Variants in TBCD observed in about 807,000 individuals in gnomAD.
The protein encoded by TBCD is tubulin folding cofactor D.
A neutral mutation model predicts 169.3 loss-of-function variants in TBCD; 105 were observed. That is an observed-to-expected ratio of 0.62 (90% CI 0.53 to 0.73). The LOEUF (loss-of-function observed/expected upper bound fraction) is 0.73. Among genes scored for constraint, TBCD ranks in the 30% least tolerant of loss-of-function variants. TBCD has a pLI of 0.00. For missense variants in TBCD, 1,444 were observed against 1,600.1 expected, an observed-to-expected ratio of 0.90 and a Z score of 1.66; for synonymous variants, 700 against 643.9, an observed-to-expected ratio of 1.09 and a Z score of -1.32.
intron 13 of TBCD, among the ~76,000 whole-genome samples, chr17:82,862,459 G>A (rs1415857041): frequency 6.6e-6 from 1 of 152,000 alleles, no homozygotes; most frequent in Admixed American, 6.5e-5. Context: ...GGGGAGGTGG[G>A]AACATGGCCT....
intron 13 of TBCD, among the ~76,000 whole-genome samples, chr17:82,819,621 T>G (rs1157343859): frequency 6.6e-6 from 1 of 152,232 alleles, no homozygotes; most frequent in African/African-American, 2.4e-5. Flanking sequence ...AGGTTGAGGC[T>G]GCAGTGAGCC....
At chr17:82,768,293 G>C (rs990866242) in intron 4 of TBCD, 127 bp from the exon 5 acceptor site, 2 of 1,152,146 alleles carry the variant, frequency 1.7e-6, no homozygotes, top group South Asian at 2.9e-5. Context: ...GGCCCTGAGG[G>C]TGATGGCATT....
chr17:82,752,375 G>A lies in TBCD; in HGVS notation c.182G>A (p.Arg61His). ...AEREVALERF[R>H]VIMDKYQEQP... The stretch of plus-strand genomic sequence containing the variant: ...CGCGAGGTGGCCCTGGAGCGGTTCC[G>A]CGGTGCGTGGGCGGCGCCGCGTGCC... Residue 61 changes from arginine to histidine, a missense_variant and splice_region_variant, in exon 1 of 39, where the codon CGC becomes CAC. Transcript: ENST00000355528. 4 of 1,289,594 alleles carry A rather than the reference G, an allele frequency of 3.1e-6. No individual in the cohort carries two copies. Among genetic ancestry groups the A allele is most frequent in the Non-Finnish European group, 3.9e-6 (4 of 1,024,232 alleles). 79.9% of individuals were successfully genotyped at this position (1,289,594 alleles called of 1,614,324 possible). A position where few individuals can be genotyped will look rare whatever the true frequency, so the allele number is the denominator to read the frequency against.
Position 82,782,816 on chromosome 17 carries a change from G to A in TBCD, c.771+1095G>A, listed in dbSNP as rs987563536. The stretch of plus-strand genomic sequence containing the variant: ...GTGGCGTCGTCCTGTCTGCGGTGGC[G>A]TCGTCCTGTCTGCGGTGGCGTCCTC... On this transcript the variant is annotated intron_variant, in intron 7 of 38. Coordinates refer to ENST00000355528, the MANE Select transcript of TBCD (RefSeq NM_005993.5). The surrounding 1 kb of genome is among the most constrained non-coding windows in gnomAD (Gnocchi z 5.1). 4.0e-5 allele frequency among the ~76,000 whole-genome samples: 6 copies of A among 150,446 alleles called. No individual in the cohort carries two copies. Among genetic ancestry groups the A allele is most frequent in the African/African-American group, 1.2e-4 (5 of 40,844 alleles).
At chr17:82,917,474 T>C (rs1395483725) in intron 23 of TBCD, among the ~76,000 whole-genome samples, 3 of 152,230 alleles carry the variant, frequency 2.0e-5, no homozygotes, top group Non-Finnish European at 4.4e-5. Context: ...TGTCATCATC[T>C]GGAGCCTCTG....
intron 38 of TBCD, 167 bp from the exon 39 acceptor site, chr17:82,942,282 T>TGTCA (rs2063377356): frequency 2.2e-6 from 2 of 913,496 alleles, no homozygotes; most frequent in Non-Finnish European, 3.3e-6. Context: ...CATGAGCACC[T>TGTCA]GTCAGCCACA....
At position 82,814,588 on chromosome 17, in the gene TBCD, T is replaced by A. The variant is rs1447947771; in HGVS notation, c.1224-252T>A. Among the ~76,000 whole-genome samples, 7 of 152,222 alleles carry A rather than the reference T, an allele frequency of 4.6e-5. No individual in the cohort carries two copies. In the East Asian group the frequency reaches 1.3e-3, roughly 29 times the overall value. On this transcript the variant is annotated intron_variant, in intron 12 of 38. Transcript: ENST00000355528. Reference sequence around the variant, plus strand: ...TAGAGTGCAGTGGCGCGATCTCAGCTCACTGCAACCTCCGCCTCCCTGGTT... The same window carrying A: ...TAGAGTGCAGTGGCGCGATCTCAGCACACTGCAACCTCCGCCTCCCTGGTT...
At chr17:82,752,446 C>A in intron 1 of TBCD, 69 bp downstream of exon 1, 1 of 1,136,782 alleles carries the variant, frequency 8.8e-7, no homozygotes, top group Non-Finnish European at 1.1e-6. Context: ...TGCACTTTAC[C>A]GGGCGGGGAC....
At chr17:82,942,188 A>G (rs1432032389) in intron 38 of TBCD, 3 of 552,766 alleles carry the variant, frequency 5.4e-6, no homozygotes, top group Non-Finnish European at 9.5e-6. Context: ...AAAAATTTCA[A>G]ACGTGTGAAT....
intron 32 of TBCD, chr17:82,929,918 C>T: frequency 5.6e-6 from 2 of 354,570 alleles, no homozygotes; most frequent in East Asian, 1.4e-4. Context: ...GAGCCTTGGT[C>T]TGTGGCTGAG....
rs116215212 is a variant in TBCD, at chr17:82,786,741, G to A, written c.771+5020G>A. Among the ~76,000 whole-genome samples the A allele has an allele frequency of 5.4e-3, 821 of 152,198 alleles. 8 individuals carry two copies. The highest frequency in any genetic ancestry group is 0.019 in the African/African-American group (796 of 41,534). ...CGGTGTCCCCTGGGTGCAGGGCTCCGAGTCCTTCTCGGCTTGGGAGGGTCT... is the reference window on the plus strand; with the variant it reads ...CGGTGTCCCCTGGGTGCAGGGCTCCAAGTCCTTCTCGGCTTGGGAGGGTCT... On this transcript the variant is annotated intron_variant, in intron 7 of 38. Coordinates refer to ENST00000355528, the MANE Select transcript of TBCD (RefSeq NM_005993.5).
chr17:82,911,746 A>G lies in TBCD; in HGVS notation c.2007-12A>G, dbSNP rs1487881696. On this transcript the variant is annotated splice_polypyrimidine_tract_variant and intron_variant, in intron 22 of 38. Coordinates refer to ENST00000355528, the MANE Select transcript of TBCD (RefSeq NM_005993.5). ...AGGTTCTTCTAATTCTGATGTTTTC[A>G]TTCCTTTTCAGGGGTCTGGGAGGAC... 2.5e-6 allele frequency: 4 copies of G among 1,613,572 alleles called. No homozygotes were observed. Among genetic ancestry groups the G allele is most frequent in the Non-Finnish European group, 2.5e-6 (3 of 1,179,748 alleles).
chr17:82,931,294 C>G (rs900975469), intron 33 of TBCD, among the ~76,000 whole-genome samples: 2 of 152,294 alleles, frequency 1.3e-5, no homozygotes, highest in African/African-American at 4.8e-5. Flanking sequence ...TTTCTCGTTA[C>G]GACTATAATC....
chr17:82,834,665 A>G (rs2053812896), intron 13 of TBCD, among the ~76,000 whole-genome samples: 1 of 146,910 alleles, frequency 6.8e-6, no homozygotes, highest in African/African-American at 2.5e-5. Context: ...GGAGCTGAAC[A>G]GTGAAAACAC....
chr17:82,809,952 T>C lies in TBCD; in HGVS notation c.1223+170T>C, dbSNP rs574789168. On this transcript the variant is annotated intron_variant, in intron 12 of 38. Coordinates refer to ENST00000355528, the MANE Select transcript of TBCD (RefSeq NM_005993.5). ...TTGAGAACTCTTGTTATTTCTGGTA[T>C]GTTGCTTTTATCAATTCCATTCTAT... is the stretch of plus-strand genomic sequence containing the variant. Among the ~76,000 whole-genome samples, 9 of 152,342 alleles carry C rather than the reference T, an allele frequency of 5.9e-5. No homozygotes were observed. In the South Asian group the frequency reaches 1.9e-3, roughly 32 times the overall value.
Position 82,831,723 on chromosome 17 carries a change from A to AGGC in TBCD, c.1318+16792_1318+16794dup. On this transcript the variant is annotated intron_variant, in intron 13 of 38. Transcript: ENST00000355528. This position sits in a 1 kb window ranked among gnomAD's most constrained non-coding sequence, Gnocchi z 4.6. ...CCAGCCCGTGCTCTGTGTAAAAGTG[A>AGGC]GGCGGGTACTCTGGGATTGTGGGGT... 1 of 1,614,062 alleles carries AGGC rather than the reference A, an allele frequency of 6.2e-7. No homozygotes were observed. The highest frequency in any genetic ancestry group is 1.1e-5 in the South Asian group (1 of 91,086).
rs1380543165 is a variant in TBCD at position 82,930,538 on chromosome 17, A to G, written c.3008A>G (p.Gln1003Arg). The G allele has an allele frequency of 1.9e-6, 3 of 1,613,558 alleles. No individual in the cohort carries two copies. In the South Asian group the frequency reaches 3.3e-5, roughly 18 times the overall value. Reference sequence around the variant, plus strand: ...GTGTTGCAGATCCGGCACTCCACCCAGAGCCTCTTTGAGTACATGAAGGGC... The same window carrying G: ...GTGTTGCAGATCCGGCACTCCACCCGGAGCCTCTTTGAGTACATGAAGGGC... ...LTESTIRHST[Q>R]SLFEYMKGIQ... Residue 1003 changes from glutamine (Q) to arginine (R), a missense_variant, in exon 33 of 39, where the codon CAG becomes CGG. By Grantham distance (43) the Gln-to-Arg change is conservative (BLOSUM62 1). Transcript: ENST00000355528. The surrounding 1 kb of genome is among the most constrained non-coding windows in gnomAD (Gnocchi z 5.2).
chr17:82,821,988 C>T (rs899129257), intron 13 of TBCD, among the ~76,000 whole-genome samples: 1 of 152,090 alleles, frequency 6.6e-6, no homozygotes, highest in Admixed American at 6.5e-5. Flanking sequence ...GGAGCACACG[C>T]TCTCAGTGTT....
chr17:82,817,357 C>T (rs946894224), intron 13 of TBCD, among the ~76,000 whole-genome samples: 7 of 152,170 alleles, frequency 4.6e-5, no homozygotes, highest in African/African-American at 1.4e-4. Flanking sequence ...AGTGCAGTGG[C>T]GTGATCTCAG....
Sources: allele counts gnomAD v4.1 joint callset (sites outside exome capture counted in the v4.1 genomes callset), GRCh38; gene constraint gnomAD v4.1.1; non-coding constraint Gnocchi (gnomAD v3.1); transcripts MANE v1.5; gene names NCBI Gene and HGNC (gene_info 2026-07-23, HGNC 2026-07-21).